Variants in AP2A2 observed in about 807,000 individuals in gnomAD.
AP2A2 encodes the protein AP-2 complex subunit alpha-2.
In AP2A2, 32 loss-of-function variants were observed where a neutral mutation model predicts 104.2. The ratio of observed to expected loss-of-function variants is 0.31; its 90% CI spans 0.23 to 0.41. AP2A2 has a LOEUF of 0.41. Among genes scored for constraint, AP2A2 ranks in the 10% least tolerant of loss-of-function variants. The pLI is 1.00. For missense variants in AP2A2, 912 were observed against 1,261.0 expected, an observed-to-expected ratio of 0.72 and a Z score of 4.19; for synonymous variants, 539 against 533.3, an observed-to-expected ratio of 1.01 and a Z score of -0.15.
At chr11:1,010,129 G>T (rs1856371454) in intron 21 of AP2A2, 1 of 477,616 alleles carries the variant, frequency 2.1e-6, no homozygotes, top group South Asian at 3.0e-5. Context: ...CCATGGAGCA[G>T]CCTGGCCCTG....
At chr11:967,492 G>C (rs1854658960) in intron 2 of AP2A2, among the ~76,000 whole-genome samples, 1 of 151,928 alleles carries the variant, frequency 6.6e-6, no homozygotes, top group South Asian at 2.1e-4. Flanking sequence ...CTCCCGAGTA[G>C]CTGGGACTAC....
intron 18 of AP2A2, 29 bp downstream of exon 18, chr11:1,008,164 AG>A (rs1295510730): frequency 6.4e-7 from 1 of 1,574,546 alleles, no homozygotes; most frequent in Non-Finnish European, 8.6e-7. Context: ...CCCCGGGCCA[AG>A]GGGTGTGTGG....
At chr11:936,383 T>TTAAA (rs1212820475) in intron 1 of AP2A2, among the ~76,000 whole-genome samples, 1 of 151,840 alleles carries the variant, frequency 6.6e-6, no homozygotes, top group Admixed American at 6.6e-5. Flanking sequence ...GGCTAATTTT[T>TTAAA]TAAATAAATA....
chr11:1,002,482 C>A (rs1464024863), intron 15 of AP2A2, among the ~76,000 whole-genome samples: 1 of 152,390 alleles, frequency 6.6e-6, no homozygotes, highest in Middle Eastern at 3.4e-3. Context: ...TGCAGCCGGA[C>A]CAGCAGCCTG....
chr11:940,155 T>C (rs949693804), intron 1 of AP2A2, among the ~76,000 whole-genome samples: 2 of 151,994 alleles, frequency 1.3e-5, no homozygotes, highest in Non-Finnish European at 2.9e-5. Context: ...GGTTTCGCCA[T>C]GTTGGCCAGG....
chr11:959,632 T>C (rs532545837), intron 2 of AP2A2, 127 bp downstream of exon 2: 1 of 680,578 alleles, frequency 1.5e-6, no homozygotes, highest in South Asian at 1.9e-5. Flanking sequence ...ACAGTTTCTA[T>C]CAGGGCCCTG....
chr11:1,010,661 GTTGTCTTCGTCTGTGCCGT>G lies in AP2A2; in HGVS notation c.*47_*65del. The G allele has an allele frequency of 6.6e-7, 1 of 1,525,432 alleles. No homozygotes were observed. Among genetic ancestry groups the G allele is most frequent in the Admixed American group, 1.9e-5 (1 of 52,346 alleles). The allele number at this position is 1,525,432 out of a possible 1,614,324, so 94.5% of individuals were successfully genotyped here. A position where few individuals can be genotyped will look rare whatever the true frequency, so the allele number is the denominator to read the frequency against. On this transcript the variant is annotated 3_prime_UTR_variant, in exon 22 of 22. Coordinates refer to ENST00000448903, the MANE Select transcript of AP2A2 (RefSeq NM_012305.4). The stretch of plus-strand genomic sequence containing the variant: ...GGAAGACCAGGCTCGTGTGTCTTGT[GTTGTCTTCGTCTGTGCCGT>G]TTGTCTTCGTGGCCATCCTGCAGAT...
At position 999,204 on chromosome 11, in the gene AP2A2, G is replaced by A. The variant is rs142249107; in HGVS notation, c.1957-1228G>A. 2.6e-5 allele frequency among the ~76,000 whole-genome samples: 4 copies of A among 152,182 alleles called. 1 individual carries two copies. The highest frequency in any genetic ancestry group is 6.5e-5 in the Admixed American group (1 of 15,268). ...AGAGTTTAATCATGAGATCATAGGC[G>A]CTCTTTCCTTGTGCCTTTGCCCCAG... On this transcript the variant is annotated intron_variant, in intron 14 of 21. Coordinates refer to ENST00000448903, the MANE Select transcript of AP2A2 (RefSeq NM_012305.4).
chr11:971,794 G>T (rs1383304113), intron 3 of AP2A2, among the ~76,000 whole-genome samples: 1 of 152,214 alleles, frequency 6.6e-6, no homozygotes, highest in East Asian at 1.9e-4. Context: ...TCCAGTTCCT[G>T]TTGGCATCTG....
At chr11:942,370 C>T (rs906621761) in intron 1 of AP2A2, 1 of 152,162 alleles carries the variant, frequency 6.6e-6, no homozygotes, top group African/African-American at 2.4e-5. Context: ...GACCTTGTTC[C>T]CCATTCAAGG....
intron 1 of AP2A2, chr11:956,638 A>G (rs902264712): frequency 1.3e-5 from 2 of 152,188 alleles, no homozygotes; most frequent in African/African-American, 2.4e-5. Flanking sequence ...GTTAAACTAC[A>G]CGTGGTCTCA....
chr11:1,003,796 A>G lies in AP2A2; in HGVS notation c.2198A>G (p.Gln733Arg). Residue 733 changes from glutamine to arginine, a missense_variant, in exon 16 of 22, where the codon CAG becomes CGG. By Grantham distance (43) the Gln-to-Arg change is conservative. Transcript: ENST00000448903. ...ATTGGACTTAAGTCTGAATTTCGGC[A>G]GAATTTAGGTATGTGTTTTAATTAC... is the stretch of plus-strand genomic sequence containing the variant. Reference protein sequence around the residue: ...LQIGLKSEFRQNLGRMFIFYG... With the variant: ...LQIGLKSEFRRNLGRMFIFYG... 3 of 1,599,680 alleles carry G rather than the reference A, an allele frequency of 1.9e-6. No individual in the cohort carries two copies. The highest frequency in any genetic ancestry group is 2.6e-6 in the Non-Finnish European group (3 of 1,171,822).
chr11:937,994 AG>A (rs1168025404), intron 1 of AP2A2, among the ~76,000 whole-genome samples: 1 of 152,218 alleles, frequency 6.6e-6, no homozygotes, highest in Non-Finnish European at 1.5e-5. Context: ...CTGGAGCACC[AG>A]GCAGCCAGGT....
At chr11:984,172 T>C (rs1040763416) in intron 6 of AP2A2, among the ~76,000 whole-genome samples, 2 of 152,180 alleles carry the variant, frequency 1.3e-5, no homozygotes, top group South Asian at 2.1e-4. Flanking sequence ...AAAGGCCGCA[T>C]TGGACACAGA....
At chr11:969,219 CCTTTTTTTTTTTTT>C (rs1416499521) in intron 2 of AP2A2, among the ~76,000 whole-genome samples, 1 of 112,812 alleles carries the variant, frequency 8.9e-6, no homozygotes, top group Non-Finnish European at 1.8e-5. Context: ...GTAGAACAGC[CCTTTTTTTTTTTTT>C]TTTTTTTTTT....
intron 6 of AP2A2, among the ~76,000 whole-genome samples, chr11:984,250 T>C (rs1369996338): frequency 6.6e-6 from 1 of 151,966 alleles, no homozygotes; most frequent in Non-Finnish European, 1.5e-5. Flanking sequence ...TGGCCTGTGG[T>C]CGGGGGGCCC....
At chr11:936,060 C>A (rs557221735) in intron 1 of AP2A2, among the ~76,000 whole-genome samples, 11 of 150,682 alleles carry the variant, frequency 7.3e-5, no homozygotes, top group African/African-American at 2.2e-4. Flanking sequence ...CACCACCACG[C>A]CTGCCTAATT....
chr11:988,418 C>T (rs1412049129), intron 9 of AP2A2, 134 bp from the exon 10 acceptor site: 4 of 1,187,144 alleles, frequency 3.4e-6, no homozygotes, highest in South Asian at 2.7e-5. Flanking sequence ...TGCAGGTCGG[C>T]TCCCTGGACC....
At chr11:990,956 C>T (rs1424817249) in intron 10 of AP2A2, among the ~76,000 whole-genome samples, 1 of 142,320 alleles carries the variant, frequency 7.0e-6, no homozygotes, top group African/African-American at 2.7e-5. Flanking sequence ...CTCCCCCCAC[C>T]CCATCCTTTC....
Sources: allele counts gnomAD v4.1 joint callset (sites outside exome capture counted in the v4.1 genomes callset), GRCh38; gene constraint gnomAD v4.1.1; transcripts MANE v1.5; gene names NCBI Gene and HGNC (gene_info 2026-07-23, HGNC 2026-07-21).